Variants in DLG2 observed in about 807,000 individuals in gnomAD.
The protein encoded by DLG2 is disks large homolog 2.
A neutral mutation model predicts 132.5 loss-of-function variants in DLG2; 45 were observed. The observed-to-expected ratio is 0.34, with a 90% CI of 0.27 to 0.44. DLG2 has a LOEUF of 0.44. Among genes scored for constraint, DLG2 ranks in the 20% least tolerant of loss-of-function variants. DLG2 has a pLI of 1.00. For missense variants in DLG2, 1,045 were observed against 1,196.9 expected (o/e 0.87, Z 1.87); for synonymous variants, 424 against 419.6 (o/e 1.01, Z -0.13).
chr11:84,178,671 C>T (rs1318366095), intron 8 of DLG2, among the ~76,000 whole-genome samples: 2 of 152,012 alleles, frequency 1.3e-5, no homozygotes, highest in African/African-American at 4.8e-5. Context: ...CAATCACTGG[C>T]TCACCATCTG....
chr11:84,646,325 A>G (rs572913131), intron 6 of DLG2, among the ~76,000 whole-genome samples: 2 of 104,942 alleles, frequency 1.9e-5, no homozygotes, highest in African/African-American at 1.1e-4. Context: ...AAATGAAAAG[A>G]AGGACTTTTC....
chr11:85,026,022 A>G (rs1306598510), intron 6 of DLG2, among the ~76,000 whole-genome samples: 1 of 152,050 alleles, frequency 6.6e-6, no homozygotes, highest in African/African-American at 2.4e-5. Context: ...AAGATTTTCA[A>G]AAAAATTTTG....
chr11:84,447,156 G>GACC (rs1281797453), intron 7 of DLG2, among the ~76,000 whole-genome samples: 1 of 152,144 alleles, frequency 6.6e-6, no homozygotes, highest in Non-Finnish European at 1.5e-5. Flanking sequence ...CTGTAAGACA[G>GACC]ACCACCACCA....
At chr11:85,582,293 G>A (rs1383183234) in intron 3 of DLG2, among the ~76,000 whole-genome samples, 1 of 152,066 alleles carries the variant, frequency 6.6e-6, no homozygotes, top group Admixed American at 6.6e-5. Context: ...AATGAACTGG[G>A]TCAATAAGAG....
intron 3 of DLG2, among the ~76,000 whole-genome samples, chr11:85,440,583 G>T (rs2153029257): frequency 6.6e-6 from 1 of 152,246 alleles, no homozygotes; most frequent in East Asian, 1.9e-4. Flanking sequence ...GTGTCTTTAT[G>T]CTCAATTTCT....
At chr11:84,470,568 G>C (rs1482778204) in intron 7 of DLG2, among the ~76,000 whole-genome samples, 1 of 151,594 alleles carries the variant, frequency 6.6e-6, no homozygotes, top group Non-Finnish European at 1.5e-5. Context: ...AGTAAAAGTT[G>C]GAAAGCAAGA....
chr11:83,801,641 A>T (rs866964790), intron 17 of DLG2, among the ~76,000 whole-genome samples: 1 of 152,158 alleles, frequency 6.6e-6, no homozygotes, highest in Non-Finnish European at 1.5e-5. Context: ...TCAAATGCCA[A>T]TTCCTCAAAG....
intron 7 of DLG2, among the ~76,000 whole-genome samples, chr11:84,488,438 C>A (rs1016845395): frequency 1.3e-5 from 2 of 152,034 alleles, no homozygotes; most frequent in African/African-American, 4.8e-5. Flanking sequence ...GGGAGCTTTG[C>A]CAACTGAGCC....
intron 6 of DLG2, 74 bp from the exon 7 acceptor site, chr11:84,534,805 T>A: frequency 6.6e-7 from 1 of 1,514,484 alleles, no homozygotes; most frequent in African/African-American, 1.4e-5. Context: ...AACTTCATAT[T>A]CTAACTTCAT....
rs959444902 is a variant in DLG2, at chr11:85,154,590, T to G, written c.248A>C (p.Gln83Pro). The G allele has an allele frequency of 3.9e-6, 6 of 1,536,666 alleles. No individual in the cohort carries two copies. In the Admixed American group the frequency reaches 1.2e-4, roughly 30 times the overall value. Residue 83 changes from glutamine (Q) to proline (P), a missense_variant, in exon 5 of 28, where the codon CAG becomes CCG. This residue lies in a region of DLG2 where 277 missense variants were observed against 238.2 expected (regional missense o/e 1.16). Transcript: ENST00000376104. ...CTCATCAGTTTCATTTTCAAAACTC[T>G]GATTTTCTTTATTTTGCTCAATACA... Reference protein sequence around the residue: ...ASCIEQNKENQSFENETDETT... With the variant: ...ASCIEQNKENPSFENETDETT...
chr11:84,603,767 C>T (rs2099580791), intron 6 of DLG2, among the ~76,000 whole-genome samples: 3 of 151,940 alleles, frequency 2.0e-5, no homozygotes, highest in Admixed American at 1.3e-4. Context: ...ATTTTATAAA[C>T]ATTTATTGAA....
At chr11:84,533,439 T>G (rs2099347576) in intron 7 of DLG2, among the ~76,000 whole-genome samples, 1 of 152,232 alleles carries the variant, frequency 6.6e-6, no homozygotes, top group African/African-American at 2.4e-5. Flanking sequence ...ATAATATTAA[T>G]ATTTACATAT....
chr11:84,432,585 C>T (rs2098987934), intron 7 of DLG2, among the ~76,000 whole-genome samples: 1 of 152,190 alleles, frequency 6.6e-6, no homozygotes, highest in Non-Finnish European at 1.5e-5. Flanking sequence ...TTATATTCTA[C>T]TAAGATCACC....
At chr11:85,401,474 G>T (rs1198521509) in intron 3 of DLG2, among the ~76,000 whole-genome samples, 1 of 152,110 alleles carries the variant, frequency 6.6e-6, no homozygotes, top group Non-Finnish European at 1.5e-5. Context: ...ACATAGTATT[G>T]GAAGTTCTGG....
At chr11:84,159,339 T>C (rs1344499052) in intron 9 of DLG2, among the ~76,000 whole-genome samples, 1 of 152,150 alleles carries the variant, frequency 6.6e-6, no homozygotes. Context: ...GAAAAAAGAA[T>C]GATGGAAATG....
At chr11:83,581,477 C>G (rs1593695801) in intron 19 of DLG2, among the ~76,000 whole-genome samples, 1 of 151,848 alleles carries the variant, frequency 6.6e-6, no homozygotes, top group Non-Finnish European at 1.5e-5. Context: ...GAGGAAATAA[C>G]ATTATTTCAG....
chr11:85,334,763 T>C lies in DLG2; in HGVS notation c.41-49398A>G, dbSNP rs143318666. Among the ~76,000 whole-genome samples the C allele has an allele frequency of 4.1e-3, 619 of 152,342 alleles. 8 individuals carry two copies. The highest frequency in any genetic ancestry group is 0.013 in the African/African-American group (538 of 41,588). On this transcript the variant is annotated intron_variant, in intron 3 of 27. Coordinates refer to ENST00000376104, the MANE Select transcript of DLG2 (RefSeq NM_001142699.3). ...GATATCTTCTTGGTATTAATTTCCA[T>C]TGTTATTTCACTGTGGTCTGAGAGT...
chr11:84,584,225 T>C (rs2099523509), intron 6 of DLG2, among the ~76,000 whole-genome samples: 1 of 152,180 alleles, frequency 6.6e-6, no homozygotes, highest in African/African-American at 2.4e-5. Context: ...GAGTATAAAA[T>C]GGTATCGGGC....
chr11:84,312,648 G>A (rs1035633049), intron 7 of DLG2, among the ~76,000 whole-genome samples: 5 of 151,910 alleles, frequency 3.3e-5, no homozygotes, highest in Admixed American at 2.0e-4. Flanking sequence ...ATTTTGCTTC[G>A]CTTCTAAGTT....
Sources: gnomAD v4.1 joint callset for allele counts (sites outside exome capture counted in the v4.1 genomes callset) on GRCh38, gnomAD v4.1.1 for gene constraint, gnomAD v4.1.1 regional missense constraint, MANE v1.5 for transcripts, NCBI Gene and HGNC (gene_info 2026-07-23, HGNC 2026-07-21) for gene names.